Variants in RARA observed in about 807,000 individuals in gnomAD.
RARA encodes PML-DDX5-RARA fusion.
In RARA, 5 loss-of-function variants were observed where a neutral mutation model predicts 42.8. The ratio of observed to expected loss-of-function variants is 0.12; its 90% CI spans 0.06 to 0.25. The LOEUF is 0.25. Among genes scored for constraint, RARA ranks in the 10% least tolerant of loss-of-function variants. The probability of loss-of-function intolerance (pLI) is 1.00; values close to 1 mark genes in which losing one functional copy is unlikely to be tolerated. For missense variants in RARA, 402 were observed against 628.7 expected, an observed-to-expected ratio of 0.64 and a Z score of 3.86; for synonymous variants, 256 against 259.5, an observed-to-expected ratio of 0.99 and a Z score of 0.13.
intron 6 of RARA, among the ~76,000 whole-genome samples, chr17:40,353,246 T>TCGGTGAGGTGAG (rs1461884893): frequency 6.6e-6 from 1 of 151,252 alleles, no homozygotes; most frequent in East Asian, 2.0e-4. Flanking sequence ...TGCCGGGCAC[T>TCGGTGAGGTGAG]CGGTGAGGTG....
intron 1 of RARA, among the ~76,000 whole-genome samples, chr17:40,315,132 GTA>G (rs71356657): frequency 0.11 from 7,198 of 63,818 alleles, 315 homozygotes; most frequent in South Asian, 0.17. Flanking sequence ...GCTTATATGT[GTA>G]TATATATATA....
Position 40,351,833 on chromosome 17 carries a change from GCT to G in RARA, c.470-72_470-71del. 1 of 1,546,544 alleles carries G rather than the reference GCT, an allele frequency of 6.5e-7. No individual in the cohort carries two copies. The highest frequency in any genetic ancestry group is 8.7e-7 in the Non-Finnish European group (1 of 1,152,426). Reference sequence around the variant, plus strand: ...TGGGTGACCTCCTCAGCAGCTGGCAGCTCTCTGTCAGGCTGGGGGTGGACGAG... The same window carrying G: ...TGGGTGACCTCCTCAGCAGCTGGCAGCTCTGTCAGGCTGGGGGTGGACGAG... On this transcript the variant is annotated intron_variant, in intron 4 of 8. Transcript: ENST00000254066. This position sits in a 1 kb window ranked among gnomAD's most constrained non-coding sequence, Gnocchi z 4.1.
intron 2 of RARA, among the ~76,000 whole-genome samples, chr17:40,332,149 G>T (rs888969813): frequency 6.6e-6 from 1 of 152,188 alleles, no homozygotes; most frequent in African/African-American, 2.4e-5. Context: ...GGGAGGTGGC[G>T]GCAGCTCTGG....
chr17:40,342,019 C>G (rs2034071152), intron 2 of RARA: 1 of 1,083,726 alleles, frequency 9.2e-7, no homozygotes, highest in Non-Finnish European at 1.1e-6. Flanking sequence ...GCCTCTCCCT[C>G]TCGGTTCCCT....
At chr17:40,315,445 G>A (rs1423676155) in intron 1 of RARA, among the ~76,000 whole-genome samples, 1 of 151,990 alleles carries the variant, frequency 6.6e-6, no homozygotes, top group African/African-American at 2.4e-5. Flanking sequence ...AATGGCAACA[G>A]GAGCCTGCCC....
Position 40,355,869 on chromosome 17 carries a change from G to A in RARA, c.1172-140G>A. 2.4e-6 allele frequency: 2 copies of A among 818,640 alleles called. No individual in the cohort carries two copies. Among genetic ancestry groups the A allele is most frequent in the Non-Finnish European group, 3.8e-6 (2 of 524,850 alleles). The allele number at this position is 818,640 out of a possible 1,614,324, so 50.7% of individuals were successfully genotyped here. On this transcript the variant is annotated intron_variant, in intron 8 of 8. Coordinates refer to ENST00000254066, the MANE Select transcript of RARA (RefSeq NM_000964.4). The surrounding 1 kb of genome is among the most constrained non-coding windows in gnomAD (Gnocchi z 4.1). Reference sequence around the variant, plus strand: ...CTGGACCTGGGGGCTTAAGAGAGCTGGCTCGTGTCAAAGAACTGAATCCCA... The same window carrying A: ...CTGGACCTGGGGGCTTAAGAGAGCTAGCTCGTGTCAAAGAACTGAATCCCA...
In RARA at chr17:40,351,904, C is replaced by G; in HGVS notation, c.470-6C>G. On this transcript the variant is annotated splice_polypyrimidine_tract_variant and splice_region_variant and intron_variant, in intron 4 of 8. Transcript: ENST00000254066. The surrounding 1 kb of genome is among the most constrained non-coding windows in gnomAD (Gnocchi z 4.1). ...CTGCCCTCTTAACCCCCTCTGCCCT[C>G]CACAGCTGTGAGAAACGACCGAAAC... is the stretch of plus-strand genomic sequence containing the variant. 1 of 1,611,444 alleles carries G rather than the reference C, an allele frequency of 6.2e-7. No homozygotes were observed. Among genetic ancestry groups the G allele is most frequent in the Admixed American group, 1.7e-5 (1 of 59,124 alleles).
intron 2 of RARA, among the ~76,000 whole-genome samples, chr17:40,334,915 G>A (rs2143309505): frequency 6.6e-6 from 1 of 152,276 alleles, no homozygotes; most frequent in African/African-American, 2.4e-5. Flanking sequence ...TATTTGTTCT[G>A]CTACAGCCAG....
chr17:40,331,235 G>T lies in RARA; in HGVS notation c.17G>T (p.Ser6Ile). 6.2e-7 allele frequency: 1 copy of T among 1,612,328 alleles called. No homozygotes were observed. The change falls in exon 2 of 9, where the codon AGC becomes ATC. Residue 6 changes from serine to isoleucine, a missense_variant. Transcript: ENST00000254066. Reference sequence around the variant, plus strand: ...CCGCTTGGCATGGCCAGCAACAGCAGCTCCTGCCCGACACCTGGGGGCGGG... The same window carrying T: ...CCGCTTGGCATGGCCAGCAACAGCATCTCCTGCCCGACACCTGGGGGCGGG... MASNS[S>I]SCPTPGGGHL...
intron 3 of RARA, chr17:40,349,462 A>G (rs932460370): frequency 1.4e-5 from 4 of 281,272 alleles, no homozygotes; most frequent in Non-Finnish European, 2.7e-5. Flanking sequence ...GCTGTTGCCC[A>G]GTTAGCCCCA....
intron 2 of RARA, among the ~76,000 whole-genome samples, chr17:40,336,154 T>C (rs2033843840): frequency 1.3e-5 from 2 of 152,150 alleles, no homozygotes; most frequent in Admixed American, 1.3e-4. Context: ...CTCAGCTCAC[T>C]GAAACCCTCT....
At chr17:40,337,427 A>G (rs1408686479) in intron 2 of RARA, among the ~76,000 whole-genome samples, 2 of 152,134 alleles carry the variant, frequency 1.3e-5, no homozygotes, top group East Asian at 3.9e-4. Flanking sequence ...TGAAGGCTGG[A>G]GAGAAAGAAA....
intron 1 of RARA, chr17:40,318,226 C>G (rs1284628555): frequency 2.0e-5 from 3 of 152,266 alleles, no homozygotes; most frequent in African/African-American, 7.2e-5. Flanking sequence ...TACCTCTGCT[C>G]CGTACCCTCC....
chr17:40,338,152 C>T (rs573596058), intron 2 of RARA, among the ~76,000 whole-genome samples: 7 of 152,180 alleles, frequency 4.6e-5, no homozygotes, highest in Non-Finnish European at 7.4e-5. Flanking sequence ...GGGTCAGGGC[C>T]GAGGTATTGT....
chr17:40,315,157 T>TACAC (rs1567743093), intron 1 of RARA, among the ~76,000 whole-genome samples: 27 of 128,726 alleles, frequency 2.1e-4, no homozygotes, highest in African/African-American at 8.1e-4. Context: ...TATATATATA[T>TACAC]ATATATATAT....
chr17:40,341,123 CA>C (rs2034019762), intron 2 of RARA: 1 of 412,210 alleles, frequency 2.4e-6, no homozygotes, highest in Non-Finnish European at 4.2e-6. Context: ...GGGACCTACC[CA>C]AGCTAGGCCT....
chr17:40,339,021 T>G, intron 2 of RARA, among the ~76,000 whole-genome samples: 1 of 152,002 alleles, frequency 6.6e-6, no homozygotes, highest in East Asian at 1.9e-4. Flanking sequence ...CTGTCTCAAA[T>G]AAATAAATAA....
intron 1 of RARA, among the ~76,000 whole-genome samples, chr17:40,314,383 G>A (rs2033152585): frequency 6.6e-6 from 1 of 152,108 alleles, no homozygotes; most frequent in South Asian, 2.1e-4. Context: ...AGGGGCTGTG[G>A]GGGCAGGGAG....
rs2033346559 is a variant in RARA at position 40,320,570 on chromosome 17, C to A, written c.-362-10287C>A. ...GGAAGCTGACTCTGCCCTCTGGGAC[C>A]TTTTCTTCCAGGCCACTCCTTGCTC... On this transcript the variant is annotated intron_variant, in intron 1 of 8. Coordinates refer to ENST00000254066, the MANE Select transcript of RARA (RefSeq NM_000964.4). This position sits in a 1 kb window ranked among gnomAD's most constrained non-coding sequence, Gnocchi z 4.1. Among the ~76,000 whole-genome samples, 1 of 152,188 alleles carries A rather than the reference C, an allele frequency of 6.6e-6. No homozygotes were observed. The highest frequency in any genetic ancestry group is 1.5e-5 in the Non-Finnish European group (1 of 68,028).
Sources: gnomAD v4.1 joint callset for allele counts (sites outside exome capture counted in the v4.1 genomes callset) on GRCh38, gnomAD v4.1.1 for gene constraint, Gnocchi (gnomAD v3.1) non-coding constraint, MANE v1.5 for transcripts, NCBI Gene and HGNC (gene_info 2026-07-23, HGNC 2026-07-21) for gene names.